Variants in NDUFA2 observed in about 807,000 individuals in gnomAD.
NDUFA2 encodes the protein NADH:ubiquinone oxidoreductase subunit A2.
In NDUFA2, 9 loss-of-function variants were observed where a neutral mutation model predicts 11.4. The ratio of observed to expected loss-of-function variants is 0.79; its 90% CI spans 0.48 to 1.38. NDUFA2 has a LOEUF of 1.38. Among genes scored for constraint, NDUFA2 ranks in the 40% most tolerant of loss-of-function variants. NDUFA2 has a pLI of 0.00. For synonymous variants in NDUFA2, 49 were observed against 54.0 expected, an observed-to-expected ratio of 0.91 and a Z score of 0.41; for missense variants, 150 against 131.2, an observed-to-expected ratio of 1.14 and a Z score of -0.70.
chr5:140,646,393 C>T lies in NDUFA2; in HGVS notation c.209-715G>A, dbSNP rs1376822398. 1.6e-4 allele frequency among the ~76,000 whole-genome samples: 25 copies of T among 152,150 alleles called. 2 individuals are homozygous for T. Among genetic ancestry groups the T allele is most frequent in the Admixed American group, 1.6e-3 (25 of 15,274 alleles). On this transcript the variant is annotated intron_variant, in intron 2 of 2. Coordinates refer to ENST00000252102, the MANE Select transcript of NDUFA2 (RefSeq NM_002488.5). ...CTAAAGTTACTCGTGTCTATCTCCTCCTGTAGTCTACTGGCTTTTGGAAGG... is the reference window on the plus strand; with the variant it reads ...CTAAAGTTACTCGTGTCTATCTCCTTCTGTAGTCTACTGGCTTTTGGAAGG...
At position 140,647,490 on chromosome 5, in the gene NDUFA2, C is replaced by A; in HGVS notation, c.94G>T (p.Gly32Cys). 1 of 1,612,508 alleles carries A rather than the reference C, an allele frequency of 6.2e-7. No homozygotes were observed. The highest frequency in any genetic ancestry group is 2.2e-5 in the East Asian group (1 of 44,882). ...HLCQRSPGSQGVRDFIEKRYV... is the reference protein window; with the variant it reads ...HLCQRSPGSQCVRDFIEKRYV... ...CACCACGCCGCGCCTCACCTGACGC[C>A]CTGGCTGCCGGGCGAGCGCTGACAT... Residue 32 changes from glycine (G) to cysteine (C), a missense_variant, in exon 1 of 3, where the codon GGC (glycine) becomes TGC (cysteine). By Grantham distance (159) the Gly-to-Cys change is radical. Coordinates refer to ENST00000252102, the MANE Select transcript of NDUFA2 (RefSeq NM_002488.5).
In NDUFA2 at chr5:140,647,551, C is replaced by T. The variant is rs1176901948; in HGVS notation, c.33G>A (p.Gly11=). 1 of 1,611,828 alleles carries T rather than the reference C, an allele frequency of 6.2e-7. No individual in the cohort carries two copies. Among genetic ancestry groups the T allele is most frequent in the Non-Finnish European group, 8.5e-7 (1 of 1,180,020 alleles). MAAAAASRGV[G]AKLGLREIRI... ...GAATCTCACGCAGGCCCAGCTTTGCCCCGACTCCTCGACTTGCTGCGGCCG... is the reference window on the plus strand; with the variant it reads ...GAATCTCACGCAGGCCCAGCTTTGCTCCGACTCCTCGACTTGCTGCGGCCG... The change falls in exon 1 of 3, where the codon GGG becomes GGA. Residue 11 remains glycine (G), a synonymous_variant. Transcript: ENST00000252102.
chr5:140,646,379 C>T (rs144476157), intron 2 of NDUFA2, among the ~76,000 whole-genome samples: 2 of 152,220 alleles, frequency 1.3e-5, no homozygotes, highest in East Asian at 3.9e-4. Flanking sequence ...TAAAGTTACT[C>T]GTGTCTATCT....
At chr5:140,645,872 T>A in intron 2 of NDUFA2, 194 bp from the exon 3 acceptor site, 1 of 1,069,562 alleles carries the variant, frequency 9.3e-7, no homozygotes, top group Non-Finnish European at 1.4e-6. Flanking sequence ...CAAGTCCAAA[T>A]AGAATTTTGG....
At chr5:140,647,166 C>A (rs1757448849) in intron 2 of NDUFA2, 90 bp downstream of exon 2, 5 of 1,368,920 alleles carry the variant, frequency 3.7e-6, no homozygotes, top group Non-Finnish European at 4.9e-6. Context: ...AGTTTCTCCA[C>A]GGGTTTCTGC....
At position 140,645,527 on chromosome 5, in the gene NDUFA2, A is replaced by G; in HGVS notation, c.*60T>C. 1 of 1,601,860 alleles carries G rather than the reference A, an allele frequency of 6.2e-7. No homozygotes were observed. Among genetic ancestry groups the G allele is most frequent in the Non-Finnish European group, 8.5e-7 (1 of 1,170,186 alleles). On this transcript the variant is annotated 3_prime_UTR_variant, in exon 3 of 3. Coordinates refer to ENST00000252102, the MANE Select transcript of NDUFA2 (RefSeq NM_002488.5). ...TAGGAGAACACATTTTTTTCACATT[A>G]TACTAAGTCCAGCAGAGCCCAGGCT...
At chr5:140,645,745 G>T (rs1176859038) in intron 2 of NDUFA2, 67 bp from the exon 3 acceptor site, 8 of 1,609,996 alleles carry the variant, frequency 5.0e-6, no homozygotes, top group Non-Finnish European at 6.8e-6. Context: ...TAAAATAAAA[G>T]ATCTTTGTCT....
chr5:140,647,145 G>T, intron 2 of NDUFA2, 111 bp downstream of exon 2: 1 of 1,179,114 alleles, frequency 8.5e-7, no homozygotes, highest in Non-Finnish European at 1.2e-6. Context: ...CAAGGCTAAA[G>T]TCCGAGTTCT....
At chr5:140,647,148 C>T in intron 2 of NDUFA2, 108 bp downstream of exon 2, 2 of 1,211,196 alleles carry the variant, frequency 1.7e-6, no homozygotes, top group Non-Finnish European at 2.3e-6. Context: ...GGCTAAAGTC[C>T]GAGTTCTAGT....
At position 140,647,257 on chromosome 5, in the gene NDUFA2, G is replaced by A; in HGVS notation, c.207C>T (p.Tyr69=). ...SDVQPKLWAR[Y]AFGQETNVPL... is the part of the protein sequence containing the mutation. ...AGACCCCTGGCGTCCCGCACTCACC[G>A]TAGCGGGCCCAGAGCTTGGGCTGCA... is the stretch of plus-strand genomic sequence containing the variant. Residue 69 remains tyrosine, a splice_region_variant and synonymous_variant, in exon 2 of 3, where the codon TAC becomes TAT. Coordinates refer to ENST00000252102, the MANE Select transcript of NDUFA2 (RefSeq NM_002488.5). 1 of 1,544,286 alleles carries A rather than the reference G, an allele frequency of 6.5e-7. No individual in the cohort carries two copies. Among genetic ancestry groups the A allele is most frequent in the Middle Eastern group, 1.8e-4 (1 of 5,702 alleles).
chr5:140,646,704 G>T (rs1757421615), intron 2 of NDUFA2, among the ~76,000 whole-genome samples: 1 of 152,124 alleles, frequency 6.6e-6, no homozygotes, highest in African/African-American at 2.4e-5. Context: ...CTAGGAAGGG[G>T]AATAAATGTA....
chr5:140,646,931 C>T lies in NDUFA2; in HGVS notation c.208+325G>A, dbSNP rs141695979. The T allele has an allele frequency of 4.1e-4, 106 of 259,334 alleles. 2 individuals carry two copies. The East Asian group carries it at 7.8e-3, about 19-fold the overall frequency. The allele number at this position is 259,334 out of a possible 1,614,324, so 16.1% of individuals were successfully genotyped here. ...AAATTACTGAGATTCTCACACACTA[C>T]CTGGACTGACACTGGCTACACGTTA... On this transcript the variant is annotated intron_variant, in intron 2 of 2. Coordinates refer to ENST00000252102, the MANE Select transcript of NDUFA2 (RefSeq NM_002488.5).
At position 140,647,373 on chromosome 5, in the gene NDUFA2, G is replaced by C. The variant is rs201963018; in HGVS notation, c.102-11C>G. 1.1e-4 allele frequency: 172 copies of C among 1,611,096 alleles called. No individual in the cohort carries two copies. The Middle Eastern group carries it at 1.3e-3, about 12-fold the overall frequency. Reference sequence around the variant, plus strand: ...TTCTCAATGAAGTCCCTGCGGGGCCGGAGAGAGCGCCGCGCGTGCTGTGGG... The same window carrying C: ...TTCTCAATGAAGTCCCTGCGGGGCCCGAGAGAGCGCCGCGCGTGCTGTGGG... On this transcript the variant is annotated splice_polypyrimidine_tract_variant and intron_variant, in intron 1 of 2. Coordinates refer to ENST00000252102, the MANE Select transcript of NDUFA2 (RefSeq NM_002488.5).
chr5:140,646,971 ATT>A (rs1354469236), intron 2 of NDUFA2: 2 of 344,592 alleles, frequency 5.8e-6, no homozygotes, highest in Non-Finnish European at 5.3e-6. Context: ...GAGAAACTAT[ATT>A]GACTAACTTC....
At chr5:140,646,043 C>T (rs1757378813) in intron 2 of NDUFA2, among the ~76,000 whole-genome samples, 1 of 145,754 alleles carries the variant, frequency 6.9e-6, no homozygotes, top group South Asian at 2.1e-4. Context: ...CGGAGTCTCG[C>T]TCTGTCACCC....
Position 140,647,361 on chromosome 5 carries a change from C to A in NDUFA2, c.103G>T (p.Asp35Tyr). 1.2e-6 allele frequency: 2 copies of A among 1,610,350 alleles called. No individual in the cohort carries two copies. Among genetic ancestry groups the A allele is most frequent in the Non-Finnish European group, 1.7e-6 (2 of 1,177,336 alleles). The change falls in exon 2 of 3, where the codon GAC becomes TAC. Residue 35 changes from aspartate to tyrosine, a missense_variant and splice_region_variant. Coordinates refer to ENST00000252102, the MANE Select transcript of NDUFA2 (RefSeq NM_002488.5). ...TCCACGTAGCGTTTCTCAATGAAGT[C>A]CCTGCGGGGCCGGAGAGAGCGCCGC... ...QRSPGSQGVR[D>Y]FIEKRYVELK...
Position 140,645,690 on chromosome 5 carries a change from G to A in NDUFA2, c.209-12C>T, listed in dbSNP as rs1757351915. 1.9e-6 allele frequency: 3 copies of A among 1,614,094 alleles called. No individual in the cohort carries two copies. Among genetic ancestry groups the A allele is most frequent in the Non-Finnish European group, 1.7e-6 (2 of 1,180,030 alleles). ...CTCTTGGCCAAATGCTGAAGAGAGA[G>A]AGGGAGGTGTCTTTAACTATTCTGC... On this transcript the variant is annotated splice_polypyrimidine_tract_variant and intron_variant, in intron 2 of 2. Transcript: ENST00000252102.
rs1757474307 is a variant in NDUFA2, at chr5:140,647,500, G to A, written c.84C>T (p.Pro28=). Residue 28 remains proline, a synonymous_variant, in exon 1 of 3, where the codon CCC becomes CCT. Transcript: ENST00000252102. ...CGCCTCACCTGACGCCCTGGCTGCC[G>A]GGCGAGCGCTGACATAAGTGGATGC... ...EIRIHLCQRS[P]GSQGVRDFIE... is the part of the protein sequence containing the mutation. 1.9e-6 allele frequency: 3 copies of A among 1,612,544 alleles called. No individual in the cohort carries two copies. The highest frequency in any genetic ancestry group is 1.7e-5 in the Admixed American group (1 of 60,018).
rs1313396905 is a variant in NDUFA2 at position 140,647,525 on chromosome 5, C to T, written c.59G>A (p.Arg20His). 1 of 1,612,412 alleles carries T rather than the reference C, an allele frequency of 6.2e-7. No homozygotes were observed. The highest frequency in any genetic ancestry group is 1.3e-5 in the African/African-American group (1 of 75,060). Residue 20 changes from arginine (R) to histidine (H), a missense_variant, in exon 1 of 3, where the codon CGC becomes CAC. Arg to His is a conservative substitution (Grantham distance 29, BLOSUM62 0). Coordinates refer to ENST00000252102, the MANE Select transcript of NDUFA2 (RefSeq NM_002488.5). Reference sequence around the variant, plus strand: ...GGGCGAGCGCTGACATAAGTGGATGCGAATCTCACGCAGGCCCAGCTTTGC... The same window carrying T: ...GGGCGAGCGCTGACATAAGTGGATGTGAATCTCACGCAGGCCCAGCTTTGC... ...VGAKLGLREI[R>H]IHLCQRSPGS...
Sources: allele counts gnomAD v4.1 joint callset (sites outside exome capture counted in the v4.1 genomes callset), GRCh38; gene constraint gnomAD v4.1.1; transcripts MANE v1.5; gene names NCBI Gene and HGNC (gene_info 2026-07-23, HGNC 2026-07-21).